Variants in CDKAL1 observed in about 807,000 individuals in gnomAD.
The protein encoded by CDKAL1 is threonylcarbamoyladenosine tRNA methylthiotransferase.
A neutral mutation model predicts 68.2 loss-of-function variants in CDKAL1; 32 were observed. That is an observed-to-expected ratio of 0.47 (90% CI 0.35 to 0.63). The LOEUF (loss-of-function observed/expected upper bound fraction) is 0.63, where lower values mean the gene tolerates loss of function less well. Ranked by LOEUF, CDKAL1 falls within the 30% of genes least tolerant of loss-of-function variation. CDKAL1 has a pLI of 0.00. For synonymous variants in CDKAL1, 234 were observed against 244.3 expected (o/e 0.96, Z 0.39); for missense variants, 606 against 696.7 (o/e 0.87, Z 1.47).
At chr6:21,040,343 A>G (rs1000377367) in intron 11 of CDKAL1, among the ~76,000 whole-genome samples, 5 of 152,176 alleles carry the variant, frequency 3.3e-5, no homozygotes, top group Admixed American at 2.0e-4. Context: ...TAGTCATAAA[A>G]AATAATGGGC....
intron 5 of CDKAL1, among the ~76,000 whole-genome samples, chr6:20,679,966 C>G (rs1770299956): frequency 6.6e-6 from 1 of 151,616 alleles, no homozygotes; most frequent in South Asian, 2.1e-4. Flanking sequence ...ATTTTTATTT[C>G]TTTTTTAAAA....
intron 10 of CDKAL1, among the ~76,000 whole-genome samples, chr6:20,998,416 A>C (rs1444123569): frequency 1.3e-5 from 2 of 152,054 alleles, no homozygotes; most frequent in Non-Finnish European, 2.9e-5. Context: ...GTTCAAGACC[A>C]GCCTGACCAA....
rs1770718356 is a variant in CDKAL1 at position 21,054,422 on chromosome 6, CT to C, written c.1056-10625del. Among the ~76,000 whole-genome samples the C allele has an allele frequency of 2.0e-5, 3 of 151,786 alleles. No individual in the cohort carries two copies. The South Asian group carries it at 6.2e-4, about 32-fold the overall frequency. On this transcript the variant is annotated intron_variant, in intron 11 of 15. Transcript: ENST00000274695. ...CAGCTTTTTTTTCTTCAAAATTGTT[CT>C]GATTATTTCAAGTCATTTGTATTTC...
intron 9 of CDKAL1, among the ~76,000 whole-genome samples, chr6:20,892,621 A>G (rs1330477595): frequency 6.6e-6 from 1 of 152,190 alleles, no homozygotes; most frequent in African/African-American, 2.4e-5. Context: ...TGTCATAAAA[A>G]TTACACAAAA....
chr6:21,017,317 T>C (rs1768400363), intron 11 of CDKAL1, among the ~76,000 whole-genome samples: 1 of 152,244 alleles, frequency 6.6e-6, no homozygotes, highest in Non-Finnish European at 1.5e-5. Context: ...GTTTGTATGA[T>C]GTGGAGACTT....
intron 3 of CDKAL1, among the ~76,000 whole-genome samples, chr6:20,546,957 C>G (rs1763632171): frequency 6.6e-6 from 1 of 152,122 alleles, no homozygotes; most frequent in Non-Finnish European, 1.5e-5. Flanking sequence ...ATAGGAAATA[C>G]AAGTTGAGTA....
At chr6:20,919,503 G>T (rs946811101) in intron 9 of CDKAL1, among the ~76,000 whole-genome samples, 6 of 152,066 alleles carry the variant, frequency 3.9e-5, no homozygotes, top group Non-Finnish European at 8.8e-5. Context: ...CCTACATTAG[G>T]TATTTCTCCT....
At chr6:20,552,727 T>C (rs1257304867) in intron 4 of CDKAL1, among the ~76,000 whole-genome samples, 1 of 152,138 alleles carries the variant, frequency 6.6e-6, no homozygotes, top group South Asian at 2.1e-4. Flanking sequence ...AAATTCATAG[T>C]TGTTAATTCC....
chr6:21,093,472 T>G (rs1443534918), intron 12 of CDKAL1, among the ~76,000 whole-genome samples: 1 of 152,050 alleles, frequency 6.6e-6, no homozygotes, highest in Non-Finnish European at 1.5e-5. Context: ...GAGCGAAATC[T>G]CCAGGATGAT....
chr6:21,088,114 C>A (rs534251211), intron 12 of CDKAL1, among the ~76,000 whole-genome samples: 10 of 152,222 alleles, frequency 6.6e-5, no homozygotes, highest in African/African-American at 2.4e-4. Flanking sequence ...CATTTTTCTG[C>A]CTAGAATTTC....
intron 10 of CDKAL1, among the ~76,000 whole-genome samples, chr6:20,994,528 G>T (rs374092419): frequency 1.8e-4 from 27 of 152,234 alleles, no homozygotes; most frequent in African/African-American, 6.5e-4. Context: ...TCAAGCTTCA[G>T]CATACCTTTA....
At chr6:21,220,713 G>A (rs1288042636) in intron 15 of CDKAL1, among the ~76,000 whole-genome samples, 1 of 152,178 alleles carries the variant, frequency 6.6e-6, no homozygotes, top group Non-Finnish European at 1.5e-5. Context: ...AAAAATGAAG[G>A]TATTCAGATA....
chr6:21,124,696 A>G (rs759129219), intron 13 of CDKAL1, among the ~76,000 whole-genome samples: 3 of 151,552 alleles, frequency 2.0e-5, no homozygotes, highest in Admixed American at 6.6e-5. Context: ...TAGATAAATT[A>G]TAGGTTCACT....
intron 5 of CDKAL1, among the ~76,000 whole-genome samples, chr6:20,680,248 G>T (rs942300060): frequency 5.9e-5 from 9 of 152,028 alleles, no homozygotes; most frequent in Admixed American, 2.0e-4. Context: ...TGTGTTTTTA[G>T]TAGAGACGGG....
chr6:21,096,354 T>C (rs1773315260), intron 12 of CDKAL1, among the ~76,000 whole-genome samples: 1 of 152,260 alleles, frequency 6.6e-6, no homozygotes, highest in Non-Finnish European at 1.5e-5. Flanking sequence ...GAAGCTGGTA[T>C]GAGGCTCTGA....
intron 13 of CDKAL1, among the ~76,000 whole-genome samples, chr6:21,113,759 G>C (rs957438190): frequency 6.6e-6 from 1 of 150,962 alleles, no homozygotes; most frequent in African/African-American, 2.4e-5. Flanking sequence ...ATGAGCCACC[G>C]TGCCTGGCCA....
In CDKAL1 at chr6:21,072,554, C is replaced by CAAAAA. The variant is rs71540611; in HGVS notation, c.1236+7348_1236+7352dup. 7.2e-4 allele frequency among the ~76,000 whole-genome samples: 32 copies of CAAAAA among 44,484 alleles called. 4 individuals are homozygous for CAAAAA. Among genetic ancestry groups the CAAAAA allele is most frequent in the African/African-American group, 2.3e-3 (27 of 11,790 alleles). 29.2% of individuals were successfully genotyped at this position (44,484 alleles called of 152,430 possible). ...TGGGCGACTGAGCGAGACTCCGTCT[C>CAAAAA]AAAAAAAAAAAAAAAAAAAAAAAAA... On this transcript the variant is annotated intron_variant, in intron 12 of 15. Transcript: ENST00000274695.
intron 9 of CDKAL1, among the ~76,000 whole-genome samples, chr6:20,870,685 T>C (rs909612030): frequency 6.6e-6 from 1 of 152,218 alleles, no homozygotes; most frequent in African/African-American, 2.4e-5. Context: ...GGTAGTGAGA[T>C]TACACTGTTG....
intron 4 of CDKAL1, among the ~76,000 whole-genome samples, chr6:20,637,036 C>CAAAAAAA (rs58986368): frequency 1.8e-5 from 2 of 113,252 alleles, no homozygotes; most frequent in Non-Finnish European, 3.8e-5. Flanking sequence ...GACTCCGTCT[C>CAAAAAAA]AAAAAAAAAA....
Sources: allele counts gnomAD v4.1 joint callset (sites outside exome capture counted in the v4.1 genomes callset), GRCh38; gene constraint gnomAD v4.1.1; transcripts MANE v1.5; gene names NCBI Gene and HGNC (gene_info 2026-07-23, HGNC 2026-07-21).